Variants in SBF1 observed in about 807,000 individuals in gnomAD.
SBF1 encodes the protein myotubularin-related protein 5.
Under a neutral mutation model 215.8 loss-of-function variants are expected in SBF1, and 65 were observed. The observed-to-expected ratio is 0.30, with a 90% CI of 0.25 to 0.37. The LOEUF is 0.37. Among genes scored for constraint, SBF1 ranks in the 10% least tolerant of loss-of-function variants. SBF1 has a pLI of 1.00. For missense variants in SBF1, 2,634 were observed against 2,667.8 expected (o/e 0.99, Z 0.28); for synonymous variants, 1,410 against 1,122.8 (o/e 1.26, Z -5.11).
At chr22:50,457,511 A>G (rs909719302) in intron 28 of SBF1, among the ~76,000 whole-genome samples, 14 of 152,250 alleles carry the variant, frequency 9.2e-5, no homozygotes, top group African/African-American at 3.4e-4. Flanking sequence ...ATGAGCATGT[A>G]GACGCCTCTG....
At chr22:50,466,517 G>A (rs1376528480) in intron 6 of SBF1, 35 bp from the exon 7 acceptor site, 2 of 1,533,044 alleles carry the variant, frequency 1.3e-6, no homozygotes, top group Admixed American at 2.0e-5. Context: ...GAGGACCCTG[G>A]GCCCCCACCC....
At chr22:50,468,491 C>A in intron 1 of SBF1, 30 bp from the exon 2 acceptor site, 1 of 1,485,996 alleles carries the variant, frequency 6.7e-7, no homozygotes, top group East Asian at 2.5e-5. Flanking sequence ...GTCAGAGCAC[C>A]CAACCCGCCC....
chr22:50,471,337 G>A (rs567630244), intron 1 of SBF1, among the ~76,000 whole-genome samples: 6 of 152,292 alleles, frequency 3.9e-5, no homozygotes, highest in South Asian at 2.1e-4. Context: ...AAAGGCGGGC[G>A]GGCGGGCAGG....
chr22:50,464,891 C>A lies in SBF1; in HGVS notation c.1359G>T (p.Met453Ile), dbSNP rs776387674. Residue 453 changes from methionine to isoleucine, a missense_variant, in exon 13 of 41, where the codon ATG (methionine) becomes ATT (isoleucine). Transcript: ENST00000380817. ...DELVAHEVARMRADENHPQRV... is the reference protein window; with the variant it reads ...DELVAHEVARIRADENHPQRV... ...GCTGGGGGTGGTTCTCATCCGCCCG[C>A]ATCCTTGCCACCTCGTGGGCCACCA... The A allele has an allele frequency of 1.2e-6, 2 of 1,613,770 alleles. No individual in the cohort carries two copies. The highest frequency in any genetic ancestry group is 1.7e-6 in the Non-Finnish European group (2 of 1,180,026).
In SBF1 at chr22:50,457,263, G is replaced by A. The variant is rs1426670394; in HGVS notation, c.3827-152C>T. On this transcript the variant is annotated intron_variant, in intron 28 of 40. Coordinates refer to ENST00000380817, the MANE Select transcript of SBF1 (RefSeq NM_002972.4). ...CCAAGTCCCTGATCGCAGGAAAGTG[G>A]GAAGAGCCATCCTGGTGTGGGCCTC... The A allele has an allele frequency of 2.5e-5, 14 of 562,308 alleles. No individual in the cohort carries two copies. In the East Asian group the frequency reaches 4.2e-4, roughly 17 times the overall value. 34.8% of individuals were successfully genotyped at this position (562,308 alleles called of 1,614,324 possible).
intron 28 of SBF1, among the ~76,000 whole-genome samples, chr22:50,458,098 G>A (rs1048375598): frequency 3.3e-5 from 5 of 152,156 alleles, no homozygotes; most frequent in Non-Finnish European, 1.5e-5. Flanking sequence ...AGGAGATCGA[G>A]ATCATCCTGG....
rs748028290 is a variant in SBF1, at chr22:50,464,456, TAC to T, written c.1637-17_1637-16del. The T allele has an allele frequency of 4.3e-6, 7 of 1,611,042 alleles. No homozygotes were observed. The African/African-American group carries it at 5.3e-5, about 12-fold the overall frequency. On this transcript the variant is annotated splice_polypyrimidine_tract_variant and intron_variant, in intron 14 of 40. Coordinates refer to ENST00000380817, the MANE Select transcript of SBF1 (RefSeq NM_002972.4). ...CAGTATGGCAGCTGCGGGGACAGAA[TAC>T]ACACACTCGGACCCCTGACCCCACG...
At chr22:50,473,124 CT>C (rs57506049) in intron 1 of SBF1, among the ~76,000 whole-genome samples, 15,708 of 152,170 alleles carry the variant, frequency 0.1, 1,153 homozygotes, top group African/African-American at 0.2. Context: ...CTCTGCCTAC[CT>C]TCAACTCCTC....
At position 50,462,697 on chromosome 22, in the gene SBF1, C is replaced by A; in HGVS notation, c.1989G>T (p.Thr663=). ...CCTGCACACAGCTGTATGCAAACTG[C>A]GTCACCCCCGGGCTCAGCTTCTGCA... The part of the protein sequence containing the change: ...AFCRKLSPGV[T]QFAYSCVQEH... The change falls in exon 18 of 41, where the codon ACG becomes ACT. Residue 663 remains threonine, a synonymous_variant. Coordinates refer to ENST00000380817, the MANE Select transcript of SBF1 (RefSeq NM_002972.4). 1 of 1,611,750 alleles carries A rather than the reference C, an allele frequency of 6.2e-7. No individual in the cohort carries two copies. Among genetic ancestry groups the A allele is most frequent in the Non-Finnish European group, 8.5e-7 (1 of 1,179,282 alleles).
chr22:50,447,302 A>T lies in SBF1; in HGVS notation c.5583+20T>A. ...CACCGCAGAGCCCCTCCCCTCTCCC[A>T]AGCCCCGGCCAAGGCTCACGTCAAA... On this transcript the variant is annotated intron_variant, in intron 40 of 40. Transcript: ENST00000380817. 1 of 1,613,332 alleles carries T rather than the reference A, an allele frequency of 6.2e-7. No individual in the cohort carries two copies. Among genetic ancestry groups the T allele is most frequent in the Non-Finnish European group, 8.5e-7 (1 of 1,179,496 alleles).
At chr22:50,456,935 T>C (rs1603431485) in intron 29 of SBF1, 99 bp downstream of exon 29, 1 of 1,013,364 alleles carries the variant, frequency 9.9e-7, no homozygotes, top group Non-Finnish European at 1.4e-6. Context: ...TAGTGTCAGG[T>C]GTGGAGGGAG....
chr22:50,459,064 G>GCA (rs1250650850), intron 28 of SBF1, among the ~76,000 whole-genome samples, 191 bp downstream of exon 28: 2 of 152,132 alleles, frequency 1.3e-5, no homozygotes, highest in East Asian at 3.9e-4. Context: ...CCTGGTCTGG[G>GCA]CACACACTTG....
chr22:50,462,522 TAGCCCCCAGCCCCC>T (rs753164948), intron 18 of SBF1, 23 bp downstream of exon 18: 1 of 1,587,786 alleles, frequency 6.3e-7, no homozygotes, highest in Non-Finnish European at 8.6e-7. Context: ...CCCCAGCCCC[TAGCCCCCAGCCCCC>T]AGCCCAGGGA....
Position 50,464,666 on chromosome 22 carries a change from G to C in SBF1, c.1504C>G (p.Pro502Ala). Residue 502 changes from proline to alanine, a missense_variant, in exon 14 of 41, where the codon CCC (proline) becomes GCC (alanine). By Grantham distance (27) the Pro-to-Ala change is conservative. Coordinates refer to ENST00000380817, the MANE Select transcript of SBF1 (RefSeq NM_002972.4). ...TCATCCAGCCGGGGGAAGGGTCGGG[G>C]CACCCGTCGCAGGTGGCTGCTCTCA... ...PGESSHLRRV[P>A]RPFPRLDEGT... The C allele has an allele frequency of 1.2e-6, 2 of 1,607,778 alleles. No homozygotes were observed. Among genetic ancestry groups the C allele is most frequent in the South Asian group, 2.2e-5 (2 of 90,954 alleles).
rs192339446 is a variant in SBF1, at chr22:50,464,851, C to T, written c.1399G>A (p.Val467Ile). The T allele has an allele frequency of 1.3e-4, 213 of 1,613,662 alleles. 1 individual carries two copies. The Middle Eastern group carries it at 1.3e-3, about 10-fold the overall frequency. The change falls in exon 13 of 41, where the codon GTC becomes ATC. Residue 467 changes from valine to isoleucine, a missense_variant. By Grantham distance (29) the Val-to-Ile change is conservative. Transcript: ENST00000380817. ...ENHPQRVLRHVQELAEQLYKN... is the reference protein window; with the variant it reads ...ENHPQRVLRHIQELAEQLYKN... ...TAGAGCTGCTCTGCCAGTTCCTGGA[C>T]GTGACGCAGGACACGCTGGGGGTGG...
chr22:50,460,719 C>T lies in SBF1; in HGVS notation c.2968-7G>A. On this transcript the variant is annotated splice_region_variant and splice_polypyrimidine_tract_variant and intron_variant, in intron 23 of 40. Transcript: ENST00000380817. ...CAAAGGCCATTTTCAGCAGCTGTGTCAGTAAAAGCAGCCCTTAGGGGTGTG... is the reference window on the plus strand; with the variant it reads ...CAAAGGCCATTTTCAGCAGCTGTGTTAGTAAAAGCAGCCCTTAGGGGTGTG... 6.2e-7 allele frequency: 1 copy of T among 1,611,678 alleles called. No homozygotes were observed. The highest frequency in any genetic ancestry group is 1.1e-5 in the South Asian group (1 of 90,954).
In SBF1 at chr22:50,466,153, C is replaced by A; in HGVS notation, c.894G>T (p.Glu298Asp). The A allele has an allele frequency of 6.2e-7, 1 of 1,613,634 alleles. No individual in the cohort carries two copies. Among genetic ancestry groups the A allele is most frequent in the South Asian group, 1.1e-5 (1 of 91,086 alleles). ...GGACACAAAGCACAGCCCTTACCAG[C>A]TCCTGGGTCTCTGCCTGGAAGGCCG... Reference protein sequence around the residue: ...VNAAFQAETQELLDVIVADLD... With the variant: ...VNAAFQAETQDLLDVIVADLD... The change falls in exon 8 of 41, where the codon GAG becomes GAT. Residue 298 changes from glutamate to aspartate, a missense_variant. Glu to Asp is a conservative substitution (Grantham distance 45). Coordinates refer to ENST00000380817, the MANE Select transcript of SBF1 (RefSeq NM_002972.4).
intron 2 of SBF1, 68 bp from the exon 3 acceptor site, chr22:50,467,991 A>T (rs2148606218): frequency 6.3e-7 from 1 of 1,577,262 alleles, no homozygotes; most frequent in Non-Finnish European, 8.6e-7. Context: ...CACCCGCCCC[A>T]GCATCTGCAC....
chr22:50,473,440 G>A (rs1030938756), intron 1 of SBF1, among the ~76,000 whole-genome samples: 1 of 152,168 alleles, frequency 6.6e-6, no homozygotes, highest in Admixed American at 6.5e-5. Flanking sequence ...CAGTGGGGAT[G>A]AGGACTATGT....
Sources: gnomAD v4.1 joint callset for allele counts (sites outside exome capture counted in the v4.1 genomes callset) on GRCh38, gnomAD v4.1.1 for gene constraint, MANE v1.5 for transcripts, NCBI Gene and HGNC (gene_info 2026-07-23, HGNC 2026-07-21) for gene names.